The following SLC35A3 variants were observed in gnomAD, a reference collection of about 807,000 sequenced individuals.
SLC35A3 encodes UDP-N-acetylglucosamine transporter.
SLC35A3 carries 26 observed loss-of-function variants against 39.0 expected under a neutral mutation model. That is an observed-to-expected ratio of 0.67 (90% CI 0.49 to 0.92). The LOEUF (loss-of-function observed/expected upper bound fraction) is 0.92, where lower values mean the gene tolerates loss of function less well. Ranked by LOEUF, SLC35A3 falls within the 40% of genes least tolerant of loss-of-function variation. The pLI is 0.00. For synonymous variants in SLC35A3, 135 were observed against 133.1 expected, an observed-to-expected ratio of 1.01 and a Z score of -0.10; for missense variants, 299 against 371.6, an observed-to-expected ratio of 0.80 and a Z score of 1.61.
Position 99,999,258 on chromosome 1 carries a change from T to A in SLC35A3, c.188-3T>A. ...TACTGATTTTTCTCATATTATTTTC[T>A]AGAATGTAGTCTAAGAGCACTGAAT... On this transcript the variant is annotated splice_region_variant and splice_polypyrimidine_tract_variant and intron_variant, in intron 2 of 7. Transcript: ENST00000533028. The A allele has an allele frequency of 6.7e-7, 1 of 1,503,594 alleles. No individual in the cohort carries two copies. Among genetic ancestry groups the A allele is most frequent in the Non-Finnish European group, 8.9e-7 (1 of 1,123,980 alleles). 93.1% of individuals were successfully genotyped at this position (1,503,594 alleles called of 1,614,324 possible).
chr1:99,979,870 C>G (rs968399673), intron 1 of SLC35A3, among the ~76,000 whole-genome samples: 1 of 151,800 alleles, frequency 6.6e-6, no homozygotes, highest in Admixed American at 6.6e-5. Flanking sequence ...ATGGTGAAAC[C>G]CCGTCTCTAC....
chr1:99,973,426 A>G (rs569896125), intron 1 of SLC35A3, among the ~76,000 whole-genome samples: 1 of 152,336 alleles, frequency 6.6e-6, no homozygotes, highest in East Asian at 1.9e-4. Flanking sequence ...ATCTCTATTA[A>G]TGAAGGAGTG....
At chr1:100,018,829 A>G (rs530704127) in intron 7 of SLC35A3, among the ~76,000 whole-genome samples, 1 of 152,356 alleles carries the variant, frequency 6.6e-6, no homozygotes, top group Non-Finnish European at 1.5e-5. Flanking sequence ...ATTTGGCACT[A>G]TAAAAATATA....
At chr1:99,981,940 C>T (rs984028031) in intron 1 of SLC35A3, among the ~76,000 whole-genome samples, 1 of 151,730 alleles carries the variant, frequency 6.6e-6, no homozygotes, top group African/African-American at 2.4e-5. Context: ...GTTGGTGAGC[C>T]ACTGGAAATA....
intron 1 of SLC35A3, among the ~76,000 whole-genome samples, chr1:99,986,778 A>G (rs530892084): frequency 6.6e-6 from 1 of 152,062 alleles, no homozygotes; most frequent in African/African-American, 2.4e-5. Flanking sequence ...TGTAGAGACA[A>G]GTTTTCACCA....
Position 99,991,154 on chromosome 1 carries a change from T to G in SLC35A3, c.-18-2383T>G, listed in dbSNP as rs141178532. 1.6e-4 allele frequency among the ~76,000 whole-genome samples: 24 copies of G among 152,338 alleles called. No homozygotes were observed. In the East Asian group the frequency reaches 4.6e-3, roughly 29 times the overall value. On this transcript the variant is annotated intron_variant, in intron 1 of 7. Transcript: ENST00000533028. ...CCTCATGCCAATACCAGGTTTTGTT[T>G]TTTTGTTTTGAGATGATGTCTCGCT...
At chr1:99,972,852 A>G (rs1656899784) in intron 1 of SLC35A3, among the ~76,000 whole-genome samples, 1 of 152,218 alleles carries the variant, frequency 6.6e-6, no homozygotes, top group Non-Finnish European at 1.5e-5. Flanking sequence ...GATCCTAGTA[A>G]TAAATCGTTG....
intron 6 of SLC35A3, among the ~76,000 whole-genome samples, chr1:100,016,840 G>A (rs575323): frequency 0.059 from 8,941 of 152,200 alleles, 343 homozygotes; most frequent in African/African-American, 0.1. Context: ...TTAAAAAGGG[G>A]CTGAAGATAT....
At chr1:99,970,653 A>G (rs1337071939) in intron 1 of SLC35A3, 8 of 1,529,342 alleles carry the variant, frequency 5.2e-6, no homozygotes, top group Non-Finnish European at 6.1e-6. Context: ...TGGTAAGGCT[A>G]GTAAGAACAC....
intron 1 of SLC35A3, among the ~76,000 whole-genome samples, chr1:99,976,786 C>T (rs1051153702): frequency 6.6e-6 from 1 of 152,092 alleles, no homozygotes; most frequent in African/African-American, 2.4e-5. Flanking sequence ...GAAGGGGACA[C>T]AATAGACATT....
At chr1:99,983,338 T>C (rs1482857546) in intron 1 of SLC35A3, among the ~76,000 whole-genome samples, 1 of 151,740 alleles carries the variant, frequency 6.6e-6, no homozygotes, top group Non-Finnish European at 1.5e-5. Context: ...GAGGAGATGA[T>C]ATCAACCTGA....
At chr1:100,003,672 T>G (rs1658993145) in intron 3 of SLC35A3, among the ~76,000 whole-genome samples, 1 of 152,150 alleles carries the variant, frequency 6.6e-6, no homozygotes, top group Non-Finnish European at 1.5e-5. Context: ...ATGTTTCTTT[T>G]GTTGATTTTA....
Position 100,011,644 on chromosome 1 carries a change from C to A in SLC35A3, c.634+111C>A, listed in dbSNP as rs114708935. On this transcript the variant is annotated intron_variant, in intron 5 of 7. Transcript: ENST00000533028. ...GCCTTGCATAAAATCTGCTATTGATCCAAATATCTGGCAATGCTCTTGTCT... is the reference window on the plus strand; with the variant it reads ...GCCTTGCATAAAATCTGCTATTGATACAAATATCTGGCAATGCTCTTGTCT... 4.8e-3 allele frequency: 1,583 copies of A among 329,876 alleles called. 23 individuals are homozygous for A. The highest frequency in any genetic ancestry group is 0.031 in the African/African-American group (1,433 of 45,980). The allele number at this position is 329,876 out of a possible 1,614,324, so 20.4% of individuals were successfully genotyped here. A position where few individuals can be genotyped will look rare whatever the true frequency, so the allele number is the denominator to read the frequency against.
At chr1:99,997,788 T>C (rs1322386774) in intron 2 of SLC35A3, among the ~76,000 whole-genome samples, 1 of 152,096 alleles carries the variant, frequency 6.6e-6, no homozygotes, top group African/African-American at 2.4e-5. Flanking sequence ...AGAATCCTGC[T>C]ATCTCTTTGA....
Position 100,031,672 on chromosome 1 carries a change from A to G in SLC35A3, c.*9196A>G, listed in dbSNP as rs1443655374. The G allele has an allele frequency of 1.3e-5, 2 of 152,220 alleles. No homozygotes were observed. Among genetic ancestry groups the G allele is most frequent in the African/African-American group, 4.8e-5 (2 of 41,454 alleles). The allele number at this position is 152,220 out of a possible 1,614,324, so 9.4% of individuals were successfully genotyped here. A position where few individuals can be genotyped will look rare whatever the true frequency, so the allele number is the denominator to read the frequency against. On this transcript the variant is annotated 3_prime_UTR_variant, in exon 8 of 8. Coordinates refer to ENST00000533028, the MANE Select transcript of SLC35A3 (RefSeq NM_012243.3). ...CATTTGGCTGAAAAAAAATCTGCAT[A>G]TAAGTGGACCCATGCAGTTCAAATC...
At chr1:99,980,965 T>C (rs1233817402) in intron 1 of SLC35A3, among the ~76,000 whole-genome samples, 1 of 152,238 alleles carries the variant, frequency 6.6e-6, no homozygotes, top group Non-Finnish European at 1.5e-5. Flanking sequence ...TCTTGAGTAC[T>C]GTATCTACTT....
intron 3 of SLC35A3, among the ~76,000 whole-genome samples, chr1:100,004,286 T>C (rs1427041888): frequency 6.6e-6 from 1 of 152,214 alleles, no homozygotes; most frequent in African/African-American, 2.4e-5. Context: ...GGCTTTCAAG[T>C]GCAGGACTTC....
chr1:99,989,561 G>A (rs1260682847), intron 1 of SLC35A3, among the ~76,000 whole-genome samples: 1 of 152,104 alleles, frequency 6.6e-6, no homozygotes, highest in Non-Finnish European at 1.5e-5. Flanking sequence ...TGAGATTACA[G>A]GCATGAGCCA....
rs2101528665 is a variant in SLC35A3, at chr1:100,025,878, A to G, written c.*3402A>G. 6.6e-6 allele frequency: 1 copy of G among 152,294 alleles called. No homozygotes were observed. Among genetic ancestry groups the G allele is most frequent in the Non-Finnish European group, 1.5e-5 (1 of 68,006 alleles). 9.4% of individuals were successfully genotyped at this position (152,294 alleles called of 1,614,324 possible). A position where few individuals can be genotyped will look rare whatever the true frequency, so the allele number is the denominator to read the frequency against. ...GATAGTTCTTTTAGCAATTAAGAATATGGTATTTGGGAAGAAAAGTTTGAA... is the reference window on the plus strand; with the variant it reads ...GATAGTTCTTTTAGCAATTAAGAATGTGGTATTTGGGAAGAAAAGTTTGAA... On this transcript the variant is annotated 3_prime_UTR_variant, in exon 8 of 8. Coordinates refer to ENST00000533028, the MANE Select transcript of SLC35A3 (RefSeq NM_012243.3).
Sources: allele counts gnomAD v4.1 joint callset (sites outside exome capture counted in the v4.1 genomes callset), GRCh38; gene constraint gnomAD v4.1.1; transcripts MANE v1.5; gene names NCBI Gene and HGNC (gene_info 2026-07-23, HGNC 2026-07-21).